Variants in TCF25 observed in about 807,000 individuals in gnomAD.
TCF25 encodes the protein TCF25 ribosome quality control complex subunit, also known as ribosome quality control complex subunit TCF25.
TCF25 carries 41 observed loss-of-function variants against 83.1 expected under a neutral mutation model. That is an observed-to-expected ratio of 0.49 (90% CI 0.38 to 0.64). The LOEUF (loss-of-function observed/expected upper bound fraction) is 0.64, where lower values mean the gene tolerates loss of function less well. Ranked by LOEUF, TCF25 falls within the 30% of genes least tolerant of loss-of-function variation. The pLI is 0.00. For missense variants in TCF25, 979 were observed against 914.5 expected (o/e 1.07, Z -0.91); for synonymous variants, 458 against 365.0 (o/e 1.25, Z -2.90).
At chr16:89,899,664 G>A (rs1180862174) in intron 11 of TCF25, among the ~76,000 whole-genome samples, 20 of 151,970 alleles carry the variant, frequency 1.3e-4, no homozygotes, top group Admixed American at 1.3e-3. Context: ...GGAGGTGGAG[G>A]TTGCGGTGAG....
chr16:89,905,353 G>C (rs544038251), intron 14 of TCF25, among the ~76,000 whole-genome samples: 1 of 152,096 alleles, frequency 6.6e-6, no homozygotes, highest in Middle Eastern at 3.2e-3. Context: ...TGGTGCCTTC[G>C]GGTCTTGCAG....
At position 89,885,888 on chromosome 16, in the gene TCF25, T is replaced by C. The variant is rs755325764; in HGVS notation, c.470T>C (p.Ile157Thr). 30 of 1,614,140 alleles carry C rather than the reference T, an allele frequency of 1.9e-5. No homozygotes were observed. The highest frequency in any genetic ancestry group is 6.7e-5 in the Admixed American group (4 of 59,998). Residue 157 changes from isoleucine to threonine, a missense_variant, in exon 4 of 18, where the codon ATT becomes ACT. Transcript: ENST00000263346. The part of the protein sequence containing the change: ...LEDIDRILER[I>T]EDSTGLNRPG... ...GATATCGATCGCATCCTAGAGAGGATTGAGGACAGCACTGGGTTGAACCGT... is the reference window on the plus strand; with the variant it reads ...GATATCGATCGCATCCTAGAGAGGACTGAGGACAGCACTGGGTTGAACCGT...
intron 8 of TCF25, 24 bp downstream of exon 8, chr16:89,895,161 T>G: frequency 6.2e-7 from 1 of 1,603,812 alleles, no homozygotes; most frequent in East Asian, 2.2e-5. Flanking sequence ...CCCACCCCAT[T>G]CCCCTCAGCT....
At chr16:89,910,328 G>A (rs943025942) in intron 16 of TCF25, 12 of 541,740 alleles carry the variant, frequency 2.2e-5, no homozygotes, top group South Asian at 4.6e-5. Context: ...TGGGAGCCTC[G>A]CTCCGGACGC....
chr16:89,899,239 G>A (rs1205703394), intron 11 of TCF25, among the ~76,000 whole-genome samples: 3 of 152,196 alleles, frequency 2.0e-5, no homozygotes, highest in Non-Finnish European at 4.4e-5. Context: ...TAGAAGGAGG[G>A]TTGGTTGCGT....
intron 12 of TCF25, among the ~76,000 whole-genome samples, chr16:89,903,858 T>A (rs2144244480): frequency 6.6e-6 from 1 of 150,672 alleles, no homozygotes; most frequent in African/African-American, 2.4e-5. Context: ...GGTGGGTGAG[T>A]CTTCCCTTGG....
At chr16:89,886,495 G>GCTCACGCCTGTAATCCCAGCA (rs1376503735) in intron 4 of TCF25, among the ~76,000 whole-genome samples, 3 of 151,932 alleles carry the variant, frequency 2.0e-5, no homozygotes, top group Non-Finnish European at 4.4e-5. Flanking sequence ...GGGCCCGGTG[G>GCTCACGCCTGTAATCCCAGCA]CTCACGCCTG....
chr16:89,906,636 G>A (rs1190185987), intron 15 of TCF25, among the ~76,000 whole-genome samples: 14 of 152,158 alleles, frequency 9.2e-5, no homozygotes, highest in South Asian at 2.1e-4. Flanking sequence ...TGGAGGTGCC[G>A]TTTCTGTCTC....
chr16:89,906,135 C>G, intron 14 of TCF25, 59 bp from the exon 15 acceptor site: 1 of 1,470,710 alleles, frequency 6.8e-7, no homozygotes, highest in Non-Finnish European at 9.3e-7. Flanking sequence ...GGCTCCATGG[C>G]GGTTACCATT....
At chr16:89,901,502 T>C (rs1487523867) in intron 12 of TCF25, among the ~76,000 whole-genome samples, 2 of 131,462 alleles carry the variant, frequency 1.5e-5, no homozygotes, top group Non-Finnish European at 3.4e-5. Context: ...TCCTAGCACT[T>C]TGGGAGGCCG....
chr16:89,878,911 G>A (rs1356446623), intron 1 of TCF25, among the ~76,000 whole-genome samples: 1 of 152,224 alleles, frequency 6.6e-6, no homozygotes, highest in Admixed American at 6.5e-5. Context: ...AAAGTGCTGG[G>A]ATTACAGGCG....
chr16:89,904,814 C>T (rs536831661), intron 13 of TCF25, 124 bp from the exon 14 acceptor site: 167 of 1,241,458 alleles, frequency 1.3e-4, no homozygotes, highest in Non-Finnish European at 1.7e-4. Context: ...CAGGGGCCTC[C>T]TTTCACTCCA....
At chr16:89,877,664 G>A (rs1021602387) in intron 1 of TCF25, among the ~76,000 whole-genome samples, 3 of 152,184 alleles carry the variant, frequency 2.0e-5, no homozygotes, top group Non-Finnish European at 4.4e-5. Flanking sequence ...ACAGAATAGA[G>A]TATGGACACG....
intron 8 of TCF25, 37 bp downstream of exon 8, chr16:89,895,174 G>C: frequency 1.9e-6 from 3 of 1,587,846 alleles, no homozygotes; most frequent in Non-Finnish European, 2.6e-6. Context: ...CCTCAGCTGT[G>C]GGAGCACCTC....
At chr16:89,891,560 T>C (rs138780353) in intron 5 of TCF25, among the ~76,000 whole-genome samples, 245 of 152,124 alleles carry the variant, frequency 1.6e-3, no homozygotes, top group African/African-American at 5.7e-3. Flanking sequence ...CTGACCTCTG[T>C]TATTTGGGGG....
At chr16:89,879,922 C>T (rs751944188) in intron 1 of TCF25, among the ~76,000 whole-genome samples, 1 of 151,272 alleles carries the variant, frequency 6.6e-6, no homozygotes, top group African/African-American at 2.4e-5. Flanking sequence ...TCCGTGTACA[C>T]AGACAGGCTC....
intron 1 of TCF25, among the ~76,000 whole-genome samples, chr16:89,880,627 G>C (rs2042539955): frequency 6.6e-6 from 1 of 152,106 alleles, no homozygotes; most frequent in Non-Finnish European, 1.5e-5. Context: ...TGTGGCGTGT[G>C]CCTGTAGTCC....
chr16:89,876,512 C>G (rs1005057993), intron 1 of TCF25, among the ~76,000 whole-genome samples: 1 of 152,306 alleles, frequency 6.6e-6, no homozygotes, highest in Admixed American at 6.5e-5. Flanking sequence ...GATCCTTCCG[C>G]CTTGGCCTCC....
At chr16:89,910,766 G>A in intron 17 of TCF25, 103 bp downstream of exon 17, 3 of 1,336,540 alleles carry the variant, frequency 2.2e-6, no homozygotes, top group Non-Finnish European at 3.2e-6. Context: ...GTGCCAGCCG[G>A]CACAGGGAGC....
Sources: allele counts gnomAD v4.1 joint callset (sites outside exome capture counted in the v4.1 genomes callset), GRCh38; gene constraint gnomAD v4.1.1; transcripts MANE v1.5; gene names NCBI Gene and HGNC (gene_info 2026-07-23, HGNC 2026-07-21).